Variants in ATXN7 observed in about 807,000 individuals in gnomAD.
ATXN7 encodes the protein ataxin 7.
In ATXN7, 12 loss-of-function variants were observed where a neutral mutation model predicts 70.5. The observed-to-expected ratio is 0.17, with a 90% CI of 0.11 to 0.28. The LOEUF is 0.28. ATXN7 is among the 10% of genes least tolerant of loss of function. The pLI is 1.00. For missense variants in ATXN7, 1,256 were observed against 1,131.7 expected (o/e 1.11, Z -1.58); for synonymous variants, 498 against 448.7 (o/e 1.11, Z -1.39).
chr3:63,974,496 C>A (rs1461858871), intron 5 of ATXN7, among the ~76,000 whole-genome samples: 1 of 152,248 alleles, frequency 6.6e-6, no homozygotes, highest in African/African-American at 2.4e-5. Flanking sequence ...CACCCAGGTG[C>A]TGGAGTCAGC....
Position 63,864,127 on chromosome 3 carries a change from A to G in ATXN7, c.-142A>G, listed in dbSNP as rs1290074360. On this transcript the variant is annotated 5_prime_UTR_variant, in exon 1 of 13. Transcript: ENST00000674280. Reference sequence around the variant, plus strand: ...CAGCCCCCGCCCGGCCCACGCCCAGAGGCCGCCCCGGAGGCCGCAGCCAGC... The same window carrying G: ...CAGCCCCCGCCCGGCCCACGCCCAGGGGCCGCCCCGGAGGCCGCAGCCAGC... Among the ~76,000 whole-genome samples, 3 of 147,546 alleles carry G rather than the reference A, an allele frequency of 2.0e-5. No homozygotes were observed. The highest frequency in any genetic ancestry group is 4.5e-5 in the Non-Finnish European group (3 of 66,530).
intron 2 of ATXN7, chr3:63,904,970 G>T (rs1367719418): frequency 1.3e-5 from 2 of 152,106 alleles, no homozygotes; most frequent in African/African-American, 4.8e-5. Context: ...ATTTAGATTT[G>T]CATTTCCCTA....
intron 1 of ATXN7, among the ~76,000 whole-genome samples, chr3:63,896,390 A>G (rs1703450248): frequency 6.6e-6 from 1 of 152,240 alleles, no homozygotes; most frequent in Non-Finnish European, 1.5e-5. Context: ...AAGTCTATTT[A>G]AAATGATTTC....
intron 5 of ATXN7, among the ~76,000 whole-genome samples, chr3:63,972,842 G>C (rs2075334531): frequency 6.6e-6 from 1 of 152,142 alleles, no homozygotes; most frequent in Non-Finnish European, 1.5e-5. Flanking sequence ...CAGTAAAGAG[G>C]GTTTGATTTG....
At position 63,995,968 on chromosome 3, in the gene ATXN7, C is replaced by T; in HGVS notation, c.2146C>T (p.His716Tyr). ...KRKNSSPLLV[H>Y]SSSSSSSSSS... The stretch of plus-strand genomic sequence containing the variant: ...CAAAAACAGTTCCCCACTGTTGGTT[C>T]ACTCTTCCTCCTCCTCTTCCTCCTC... The change falls in exon 12 of 13, where the codon CAC (histidine) becomes TAC (tyrosine). Residue 716 changes from histidine (H) to tyrosine (Y), a missense_variant. By Grantham distance (83) the His-to-Tyr change is moderately conservative. Transcript: ENST00000674280. 6.2e-7 allele frequency: 1 copy of T among 1,614,124 alleles called. No individual in the cohort carries two copies. The highest frequency in any genetic ancestry group is 8.5e-7 in the Non-Finnish European group (1 of 1,179,970).
chr3:63,863,707 A>G (rs935518680), upstream of ATXN7: 2 of 1,244,370 alleles, frequency 1.6e-6, no homozygotes, highest in Non-Finnish European at 2.0e-6. Flanking sequence ...CCGGGAGGCC[A>G]GGGGTCTCAG....
chr3:63,867,590 T>C (rs112712969), intron 1 of ATXN7, among the ~76,000 whole-genome samples: 4,003 of 152,330 alleles, frequency 0.026, 165 homozygotes, highest in African/African-American at 0.09. Context: ...CTGGGCACAG[T>C]GGCTTATGCC....
chr3:63,963,424 C>T (rs1162978097), intron 5 of ATXN7, among the ~76,000 whole-genome samples: 4 of 152,190 alleles, frequency 2.6e-5, no homozygotes, highest in African/African-American at 9.7e-5. Context: ...GCTCTTTCAA[C>T]TTACCTGCCT....
intron 4 of ATXN7, among the ~76,000 whole-genome samples, chr3:63,919,373 G>C (rs890581366): frequency 1.3e-5 from 2 of 152,032 alleles, no homozygotes; most frequent in Non-Finnish European, 2.9e-5. Flanking sequence ...GAATTCCTTG[G>C]TTGATAAAAG....
In ATXN7 at chr3:63,990,807, C is replaced by T. The variant is rs780603764; in HGVS notation, c.1630C>T (p.Arg544Cys). 19 of 1,614,102 alleles carry T rather than the reference C, an allele frequency of 1.2e-5. No individual in the cohort carries two copies. The highest frequency in any genetic ancestry group is 6.6e-5 in the South Asian group (6 of 91,086). Residue 544 changes from arginine (R) to cysteine (C), a missense_variant, in exon 11 of 13, where the codon CGC becomes TGC. Coordinates refer to ENST00000674280, the MANE Select transcript of ATXN7 (RefSeq NM_001377405.1). ...YVFDSRWNRL[R>C]CALNLMVEKH... Reference sequence around the variant, plus strand: ...GTTTGACTCCAGGTGGAATCGACTTCGCTGCGCCCTCAACCTCATGGTGGA... The same window carrying T: ...GTTTGACTCCAGGTGGAATCGACTTTGCTGCGCCCTCAACCTCATGGTGGA...
chr3:63,898,517 T>C lies in ATXN7; in HGVS notation c.-12+20T>C, dbSNP rs1366408001. 1 of 152,222 alleles carries C rather than the reference T, an allele frequency of 6.6e-6. No individual in the cohort carries two copies. Among genetic ancestry groups the C allele is most frequent in the East Asian group, 1.9e-4 (1 of 5,198 alleles). 9.4% of individuals were successfully genotyped at this position (152,222 alleles called of 1,614,324 possible). A position where few individuals can be genotyped will look rare whatever the true frequency, so the allele number is the denominator to read the frequency against. On this transcript the variant is annotated intron_variant, in intron 2 of 12. Coordinates refer to ENST00000674280, the MANE Select transcript of ATXN7 (RefSeq NM_001377405.1). ...GAAAAGGTAACTGGCTGTTCTGATA[T>C]CGCAAACACAGTTGAATAAATATAA... is the stretch of plus-strand genomic sequence containing the variant.
chr3:63,912,833 G>C lies in ATXN7; in HGVS notation c.235G>C (p.Gly79Arg), dbSNP rs762884569. Residue 79 changes from glycine to arginine, a missense_variant, in exon 3 of 13, where the codon GGG (glycine) becomes CGG (arginine). Coordinates refer to ENST00000674280, the MANE Select transcript of ATXN7 (RefSeq NM_001377405.1). ...STSAAAMATVGERRPLPSPEV... is the reference protein window; with the variant it reads ...STSAAAMATVRERRPLPSPEV... ...CTCGGCCGCCGCAATGGCGACGGTC[G>C]GGGAGCGCAGGCCTCTGCCCAGTCC... The C allele has an allele frequency of 8.8e-6, 14 of 1,593,700 alleles. No individual in the cohort carries two copies. Among genetic ancestry groups the C allele is most frequent in the Non-Finnish European group, 1.2e-5 (14 of 1,171,386 alleles).
intron 11 of ATXN7, among the ~76,000 whole-genome samples, chr3:63,993,534 C>T (rs1030376962): frequency 1.3e-5 from 2 of 151,708 alleles, no homozygotes; most frequent in African/African-American, 4.8e-5. Flanking sequence ...TGTTTTCCAC[C>T]TAGCCCCCAC....
intron 4 of ATXN7, among the ~76,000 whole-genome samples, chr3:63,923,452 A>G (rs1704579408): frequency 6.6e-6 from 1 of 152,208 alleles, no homozygotes; most frequent in African/African-American, 2.4e-5. Context: ...TCTAACTAAC[A>G]TGATCAAGGA....
chr3:63,885,665 A>G (rs150507235), intron 1 of ATXN7, among the ~76,000 whole-genome samples: 144 of 152,326 alleles, frequency 9.5e-4, no homozygotes, highest in African/African-American at 3.3e-3. Context: ...CATTATTCAC[A>G]ATAGCCAAGA....
intron 1 of ATXN7, among the ~76,000 whole-genome samples, chr3:63,896,237 G>T (rs1703443919): frequency 6.8e-6 from 1 of 147,242 alleles, no homozygotes; most frequent in Admixed American, 6.7e-5. Context: ...CTTCAAGTTA[G>T]GTCTTCTTTC....
Position 63,990,726 on chromosome 3 carries a change from T to G in ATXN7, c.1561-12T>G. ...GGAGTCAGCAAGCACGCGGCTATGT[T>G]TTCTCTTGCAGTTTTGCACATTTGG... On this transcript the variant is annotated splice_polypyrimidine_tract_variant and intron_variant, in intron 10 of 12. Transcript: ENST00000674280. 1 of 1,614,134 alleles carries G rather than the reference T, an allele frequency of 6.2e-7. No homozygotes were observed. Among genetic ancestry groups the G allele is most frequent in the African/African-American group, 1.3e-5 (1 of 75,030 alleles).
At chr3:63,879,088 T>C (rs1702831509) in intron 1 of ATXN7, among the ~76,000 whole-genome samples, 1 of 152,184 alleles carries the variant, frequency 6.6e-6, no homozygotes, top group East Asian at 1.9e-4. Flanking sequence ...ATATTCTTAA[T>C]TTCACTTTCA....
At chr3:63,994,100 C>T (rs181952544) in intron 11 of ATXN7, among the ~76,000 whole-genome samples, 9 of 152,132 alleles carry the variant, frequency 5.9e-5, no homozygotes, top group Non-Finnish European at 4.4e-5. Context: ...CCCCACTCCC[C>T]GCAGAGACGC....
Sources: gnomAD v4.1 joint callset for allele counts (sites outside exome capture counted in the v4.1 genomes callset) on GRCh38, gnomAD v4.1.1 for gene constraint, MANE v1.5 for transcripts, NCBI Gene and HGNC (gene_info 2026-07-23, HGNC 2026-07-21) for gene names.